KCNJ11: variants seen among roughly 807,000 people sequenced by gnomAD.
KCNJ11 encodes ATP-sensitive inward rectifier potassium channel 11.
A neutral mutation model predicts 17.3 loss-of-function variants in KCNJ11; 12 were observed. The observed-to-expected ratio is 0.69, with a 90% CI of 0.44 to 1.12. The LOEUF is 1.12. Ranked by LOEUF, KCNJ11 falls within the 50% of genes most tolerant of loss-of-function variation. KCNJ11 has a pLI of 0.00. For synonymous variants in KCNJ11, 211 were observed against 223.4 expected (o/e 0.94, Z 0.50); for missense variants, 386 against 554.1 (o/e 0.70, Z 3.05).
chr11:17,386,680 G>C lies in KCNJ11; in HGVS notation c.*239C>G, dbSNP rs1191590486. The stretch of plus-strand genomic sequence containing the variant: ...TCCCACAGCCTCTGCAGCCTTGGGC[G>C]GGGGAGAGGGGTGAGCCAGTCCTGA... On this transcript the variant is annotated 3_prime_UTR_variant, in exon 1 of 1. Transcript: ENST00000339994. 7 of 539,344 alleles carry C rather than the reference G, an allele frequency of 1.3e-5. No homozygotes were observed. The highest frequency in any genetic ancestry group is 3.3e-5 in the Admixed American group (1 of 30,588). The allele number at this position is 539,344 out of a possible 1,614,324, so 33.4% of individuals were successfully genotyped here.
At position 17,387,173 on chromosome 11, in the gene KCNJ11, C is replaced by A; in HGVS notation, c.919G>T (p.Asp307Tyr). The A allele has an allele frequency of 6.2e-7, 1 of 1,614,224 alleles. No homozygotes were observed. Among genetic ancestry groups the A allele is most frequent in the Non-Finnish European group, 8.5e-7 (1 of 1,180,032 alleles). The change falls in exon 1 of 1, where the codon GAT becomes TAT. Residue 307 changes from aspartate (D) to tyrosine (Y), a missense_variant. Coordinates refer to ENST00000339994, the MANE Select transcript of KCNJ11 (RefSeq NM_000525.4). ...AAGCGCTGGCCCCACAGGATCTCAT[C>A]GGCCAGGTAGGAGGTGCGGGCCTGG... Reference protein sequence around the residue: ...TTQARTSYLADEILWGQRFVP... With the variant: ...TTQARTSYLAYEILWGQRFVP...
Position 17,386,831 on chromosome 11 carries a change from G to T in KCNJ11, c.*88C>A. On this transcript the variant is annotated 3_prime_UTR_variant, in exon 1 of 1. Coordinates refer to ENST00000339994, the MANE Select transcript of KCNJ11 (RefSeq NM_000525.4). ...AGCAGGGGGAGGCTGAGCTGAGGCT[G>T]GCCCAGCCTCACACCAGGCCCTGGC... 1.7e-6 allele frequency: 2 copies of T among 1,200,710 alleles called. No homozygotes were observed. The highest frequency in any genetic ancestry group is 2.3e-6 in the Non-Finnish European group (2 of 853,082). The allele number at this position is 1,200,710 out of a possible 1,614,324, so 74.4% of individuals were successfully genotyped here.
Position 17,387,034 on chromosome 11 carries a change from T to C in KCNJ11, c.1058A>G (p.His353Arg), listed in dbSNP as rs756762581. 6.2e-7 allele frequency: 1 copy of C among 1,614,104 alleles called. No homozygotes were observed. The highest frequency in any genetic ancestry group is 8.5e-7 in the Non-Finnish European group (1 of 1,180,038). The change falls in exon 1 of 1, where the codon CAC (histidine) becomes CGC (arginine). Residue 353 changes from histidine to arginine, a missense_variant. Physicochemically the swap from His to Arg is conservative, Grantham distance 29. Coordinates refer to ENST00000339994, the MANE Select transcript of KCNJ11 (RefSeq NM_000525.4). The part of the protein sequence containing the change: ...LCTARQLDED[H>R]SLLEALTLAS... ...GAGGGTCAGAGCTTCCAGTAGGCTG[T>C]GGTCCTCATCAAGCTGGCGGGCCGT...
chr11:17,387,054 G>A lies in KCNJ11; in HGVS notation c.1038C>T (p.Ala346=). 1.9e-6 allele frequency: 3 copies of A among 1,614,240 alleles called. No homozygotes were observed. Among genetic ancestry groups the A allele is most frequent in the Non-Finnish European group, 2.5e-6 (3 of 1,180,036 alleles). ...GGCTGTGGTCCTCATCAAGCTGGCGGGCCGTGCAGAGTGGTGTGGGCACTT... is the reference window on the plus strand; with the variant it reads ...GGCTGTGGTCCTCATCAAGCTGGCGAGCCGTGCAGAGTGGTGTGGGCACTT... ...TVKVPTPLCT[A]RQLDEDHSLL... The change falls in exon 1 of 1, where the codon GCC becomes GCT. Residue 346 remains alanine, a synonymous_variant. Transcript: ENST00000339994.
rs116045724 is a variant in KCNJ11, at chr11:17,387,621, G to A, written c.471C>T (p.Leu157=). Residue 157 remains leucine (L), a synonymous_variant, in exon 1 of 1, where the codon CTC becomes CTT. Transcript: ENST00000339994. ...AGCCAAGCATGATGGCGTTGATCATGAGCCCCACGATGTTCTGCACGATGA... is the reference window on the plus strand; with the variant it reads ...AGCCAAGCATGATGGCGTTGATCATAAGCCCCACGATGTTCTGCACGATGA... ...LILIVQNIVG[L]MINAIMLGCI... 4 of 1,613,644 alleles carry A rather than the reference G, an allele frequency of 2.5e-6. No homozygotes were observed. Among genetic ancestry groups the A allele is most frequent in the South Asian group, 2.2e-5 (2 of 91,076 alleles).
Position 17,388,175 on chromosome 11 carries a change from C to A in KCNJ11, c.-84G>T. On this transcript the variant is annotated 5_prime_UTR_variant, in exon 1 of 1. Coordinates refer to ENST00000339994, the MANE Select transcript of KCNJ11 (RefSeq NM_000525.4). The stretch of plus-strand genomic sequence containing the variant: ...CTAGGGCCTCACTGCAGAGTCCTCT[C>A]GGTGGGCACCTTCTCACCCTGGGGC... 1.6e-6 allele frequency: 2 copies of A among 1,218,462 alleles called. No individual in the cohort carries two copies. The highest frequency in any genetic ancestry group is 1.2e-6 in the Non-Finnish European group (1 of 847,906). The allele number at this position is 1,218,462 out of a possible 1,614,324, so 75.5% of individuals were successfully genotyped here. A position where few individuals can be genotyped will look rare whatever the true frequency, so the allele number is the denominator to read the frequency against.
Position 17,387,273 on chromosome 11 carries a change from G to T in KCNJ11, c.819C>A (p.Ser273Arg). Residue 273 changes from serine (S) to arginine (R), a missense_variant, in exon 1 of 1, where the codon AGC becomes AGA. Physicochemically the swap from Ser to Arg is moderately radical, Grantham distance 110. Coordinates refer to ENST00000339994, the MANE Select transcript of KCNJ11 (RefSeq NM_000525.4). The part of the protein sequence containing the change: ...ANSPLYDLAP[S>R]DLHHHQDLEI... ...CGAGGTCCTGGTGGTGGTGCAGGTC[G>T]CTGGGTGCCAGGTCGTAGAGTGGGC... 1 of 1,614,138 alleles carries T rather than the reference G, an allele frequency of 6.2e-7. No individual in the cohort carries two copies.
In KCNJ11 at chr11:17,388,199, G is replaced by C. The variant is rs1953596837; in HGVS notation, c.-108C>G. On this transcript the variant is annotated 5_prime_UTR_variant, in exon 1 of 1. Coordinates refer to ENST00000339994, the MANE Select transcript of KCNJ11 (RefSeq NM_000525.4). Reference sequence around the variant, plus strand: ...TCGGTGGGCACCTTCTCACCCTGGGGCTGCACTCAGCCTGTGCTGGCCTCA... The same window carrying C: ...TCGGTGGGCACCTTCTCACCCTGGGCCTGCACTCAGCCTGTGCTGGCCTCA... 1.1e-6 allele frequency: 1 copy of C among 915,088 alleles called. No homozygotes were observed. The highest frequency in any genetic ancestry group is 1.7e-6 in the Non-Finnish European group (1 of 593,242). The allele number at this position is 915,088 out of a possible 1,614,324, so 56.7% of individuals were successfully genotyped here.
Position 17,387,714 on chromosome 11 carries a change from C to T in KCNJ11, c.378G>A (p.Glu126=), listed in dbSNP as rs1953586986. Residue 126 remains glutamate, a synonymous_variant, in exon 1 of 1, where the codon GAG becomes GAA. Transcript: ENST00000339994. ...SFSSAFLFSI[E]VQVTIGFGGR... ...CCCCAAAGCCAATAGTCACTTGGAC[C>T]TCAATGGAGAAAAGGAAGGCAGACG... 9 of 1,614,126 alleles carry T rather than the reference C, an allele frequency of 5.6e-6. No homozygotes were observed. Among genetic ancestry groups the T allele is most frequent in the Non-Finnish European group, 7.6e-6 (9 of 1,180,034 alleles).
chr11:17,386,509 G>GTGGTC lies in KCNJ11; in HGVS notation c.*409_*410insGACCA. ...TTTTTCAGGGACCAAGTAGAGCTGG[G>GTGGTC]GCCTGACCACAGGCACTTCTTGGAG... On this transcript the variant is annotated 3_prime_UTR_variant, in exon 1 of 1. Transcript: ENST00000339994. 3 of 196,702 alleles carry GTGGTC rather than the reference G, an allele frequency of 1.5e-5. No individual in the cohort carries two copies. Among genetic ancestry groups the GTGGTC allele is most frequent in the Non-Finnish European group, 3.2e-5 (3 of 94,774 alleles). 12.2% of individuals were successfully genotyped at this position (196,702 alleles called of 1,614,324 possible). A position where few individuals can be genotyped will look rare whatever the true frequency, so the allele number is the denominator to read the frequency against.
chr11:17,387,272 C>G lies in KCNJ11; in HGVS notation c.820G>C (p.Asp274His), dbSNP rs773218695. The change falls in exon 1 of 1, where the codon GAC becomes CAC. Residue 274 changes from aspartate to histidine, a missense_variant. Asp to His is a moderately conservative substitution (Grantham distance 81). Coordinates refer to ENST00000339994, the MANE Select transcript of KCNJ11 (RefSeq NM_000525.4). Reference sequence around the variant, plus strand: ...TCGAGGTCCTGGTGGTGGTGCAGGTCGCTGGGTGCCAGGTCGTAGAGTGGG... The same window carrying G: ...TCGAGGTCCTGGTGGTGGTGCAGGTGGCTGGGTGCCAGGTCGTAGAGTGGG... Reference protein sequence around the residue: ...NSPLYDLAPSDLHHHQDLEII... With the variant: ...NSPLYDLAPSHLHHHQDLEII... 1.2e-6 allele frequency: 2 copies of G among 1,613,984 alleles called. No individual in the cohort carries two copies. Among genetic ancestry groups the G allele is most frequent in the African/African-American group, 1.3e-5 (1 of 74,922 alleles).
At position 17,387,284 on chromosome 11, in the gene KCNJ11, G is replaced by C. The variant is rs1800467; in HGVS notation, c.808C>G (p.Leu270Val). Residue 270 changes from leucine to valine, a missense_variant, in exon 1 of 1, where the codon CTG (leucine) becomes GTG (valine). Transcript: ENST00000339994. ...TGGTGGTGCAGGTCGCTGGGTGCCA[G>C]GTCGTAGAGTGGGCTGTTGGCATCA... Reference protein sequence around the residue: ...VIDANSPLYDLAPSDLHHHQD... With the variant: ...VIDANSPLYDVAPSDLHHHQD... The C allele has an allele frequency of 0.04, 64,893 of 1,614,186 alleles. 1,728 individuals are homozygous for C. Among genetic ancestry groups the C allele is most frequent in the Middle Eastern group, 0.043 (260 of 6,062 alleles).
At position 17,388,068 on chromosome 11, in the gene KCNJ11, G is replaced by A. The variant is rs1228103724; in HGVS notation, c.24C>T (p.Ile8=). The change falls in exon 1 of 1, where the codon ATC becomes ATT. Residue 8 remains isoleucine (I), a synonymous_variant. Coordinates refer to ENST00000339994, the MANE Select transcript of KCNJ11 (RefSeq NM_000525.4). ...GGCGTGTCAGCACGTATTCCTCGGG[G>A]ATGATGCCCTTGCGGGACAGCATGG... MLSRKGI[I]PEEYVLTRLA... 6.2e-7 allele frequency: 1 copy of A among 1,611,690 alleles called. No homozygotes were observed. Among genetic ancestry groups the A allele is most frequent in the Non-Finnish European group, 8.5e-7 (1 of 1,179,868 alleles).
chr11:17,388,887 C>G, upstream of KCNJ11: 1 of 455,452 alleles, frequency 2.2e-6, no homozygotes, highest in Non-Finnish European at 4.4e-6. Context: ...TCCTGGCCAC[C>G]CCCGCCCCGT....
chr11:17,386,966 C>T lies in KCNJ11; in HGVS notation c.1126G>A (p.Ala376Thr). The T allele has an allele frequency of 2.5e-6, 4 of 1,613,276 alleles. No homozygotes were observed. The South Asian group carries it at 4.4e-5, about 18-fold the overall frequency. ...GPLRKRSVPM[A>T]KAKPKFSISP... ...ATGCTGAACTTGGGCTTGGCCTTGG[C>T]CATGGGCACGCTGCGCTTGCGCAGG... is the stretch of plus-strand genomic sequence containing the variant. Residue 376 changes from alanine to threonine, a missense_variant, in exon 1 of 1, where the codon GCC becomes ACC. Physicochemically the swap from Ala to Thr is moderately conservative, Grantham distance 58. Coordinates refer to ENST00000339994, the MANE Select transcript of KCNJ11 (RefSeq NM_000525.4).
rs1246461503 is a variant in KCNJ11, at chr11:17,387,013, G to T, written c.1079C>A (p.Thr360Asn). 6.2e-7 allele frequency: 1 copy of T among 1,614,154 alleles called. No homozygotes were observed. The highest frequency in any genetic ancestry group is 1.1e-5 in the South Asian group (1 of 91,086). ...DEDHSLLEAL[T>N]LASARGPLRK... is the part of the protein sequence containing the mutation. ...CAGGGGCCCGCGGGCTGAGGCGAGGGTCAGAGCTTCCAGTAGGCTGTGGTC... is the reference window on the plus strand; with the variant it reads ...CAGGGGCCCGCGGGCTGAGGCGAGGTTCAGAGCTTCCAGTAGGCTGTGGTC... The change falls in exon 1 of 1, where the codon ACC becomes AAC. Residue 360 changes from threonine (T) to asparagine (N), a missense_variant. Thr to Asn is a moderately conservative substitution (Grantham distance 65, BLOSUM62 0). Coordinates refer to ENST00000339994, the MANE Select transcript of KCNJ11 (RefSeq NM_000525.4).
At position 17,388,175 on chromosome 11, in the gene KCNJ11, C is replaced by T. The variant is rs913228902; in HGVS notation, c.-84G>A. The T allele has an allele frequency of 5.8e-5, 71 of 1,218,344 alleles. No individual in the cohort carries two copies. The South Asian group carries it at 8.1e-4, about 14-fold the overall frequency. 75.5% of individuals were successfully genotyped at this position (1,218,344 alleles called of 1,614,324 possible). A position where few individuals can be genotyped will look rare whatever the true frequency, so the allele number is the denominator to read the frequency against. ...CTAGGGCCTCACTGCAGAGTCCTCTCGGTGGGCACCTTCTCACCCTGGGGC... is the reference window on the plus strand; with the variant it reads ...CTAGGGCCTCACTGCAGAGTCCTCTTGGTGGGCACCTTCTCACCCTGGGGC... On this transcript the variant is annotated 5_prime_UTR_variant, in exon 1 of 1. Transcript: ENST00000339994.
Position 17,387,335 on chromosome 11 carries a change from C to T in KCNJ11, c.757G>A (p.Ala253Thr). 6.2e-7 allele frequency: 1 copy of T among 1,614,042 alleles called. No individual in the cohort carries two copies. Among genetic ancestry groups the T allele is most frequent in the Non-Finnish European group, 8.5e-7 (1 of 1,180,004 alleles). ...ATGACATGGTAGATGATCAGCGGGG[C>T]CACCAGGAAGATGCTGTTGCCACCC... Reference protein sequence around the residue: ...GVGGNSIFLVAPLIIYHVIDA... With the variant: ...GVGGNSIFLVTPLIIYHVIDA... Residue 253 changes from alanine to threonine, a missense_variant, in exon 1 of 1, where the codon GCC becomes ACC. Coordinates refer to ENST00000339994, the MANE Select transcript of KCNJ11 (RefSeq NM_000525.4).
upstream of KCNJ11, chr11:17,388,699 C>G: frequency 2.8e-6 from 1 of 362,052 alleles, no homozygotes; most frequent in Non-Finnish European, 6.0e-6. Flanking sequence ...CAGCTTCCCC[C>G]ACCAGCTGAC....
Sources: allele counts gnomAD v4.1 joint callset, GRCh38; gene constraint gnomAD v4.1.1; transcripts MANE v1.5; gene names NCBI Gene and HGNC (gene_info 2026-07-23, HGNC 2026-07-21).